ABTB2: variants seen among roughly 807,000 people sequenced by gnomAD.
The protein encoded by ABTB2 is ankyrin repeat and BTB/POZ domain-containing protein 2.
Under a neutral mutation model 104.1 loss-of-function variants are expected in ABTB2, and 56 were observed. The observed-to-expected ratio is 0.54, with a 90% CI of 0.43 to 0.67. The LOEUF (loss-of-function observed/expected upper bound fraction) is 0.67. Among genes scored for constraint, ABTB2 ranks in the 30% least tolerant of loss-of-function variants. The pLI is 0.00. For missense variants in ABTB2, 1,279 were observed against 1,407.7 expected, an observed-to-expected ratio of 0.91 and a Z score of 1.46; for synonymous variants, 606 against 608.2, an observed-to-expected ratio of 1.00 and a Z score of 0.05.
In ABTB2 at chr11:34,154,768, A is replaced by G; in HGVS notation, c.2699T>C (p.Met900Thr). ...TCCGTAGTACAGATACTGCATCATC[A>G]TCTGTGGTGGGAAGAGGCCCATGTG... ...ISDMKYHIFQ[M>T]MMQYLYYGGT... Residue 900 changes from methionine (M) to threonine (T), a missense_variant and splice_region_variant, in exon 15 of 17, where the codon ATG becomes ACG. Physicochemically the swap from Met to Thr is moderately conservative, Grantham distance 81 (BLOSUM62 -1). Transcript: ENST00000435224. The surrounding 1 kb of genome is among the most constrained non-coding windows in gnomAD (Gnocchi z 4.9). 6.2e-7 allele frequency: 1 copy of G among 1,613,924 alleles called. No homozygotes were observed.
intron 1 of ABTB2, among the ~76,000 whole-genome samples, chr11:34,263,975 A>G (rs1364052203): frequency 6.6e-6 from 1 of 152,182 alleles, no homozygotes; most frequent in Non-Finnish European, 1.5e-5. Context: ...TCTCCTTAAC[A>G]TGCTGACGTC....
intron 1 of ABTB2, among the ~76,000 whole-genome samples, chr11:34,282,961 T>A (rs1590240789): frequency 6.6e-6 from 1 of 151,814 alleles, no homozygotes; most frequent in African/African-American, 2.4e-5. Flanking sequence ...CAGGCTGGAG[T>A]GCAGTGGCAC....
chr11:34,187,986 T>C (rs1226243642), intron 3 of ABTB2, among the ~76,000 whole-genome samples: 4 of 152,188 alleles, frequency 2.6e-5, no homozygotes, highest in Non-Finnish European at 2.9e-5. Context: ...CGCAGGCTTA[T>C]GGTAACAGTG....
At chr11:34,221,852 A>C (rs569918415) in intron 1 of ABTB2, among the ~76,000 whole-genome samples, 1 of 152,262 alleles carries the variant, frequency 6.6e-6, no homozygotes, top group Non-Finnish European at 1.5e-5. Context: ...CAGCCTGGTC[A>C]ACATGGCAAA....
intron 9 of ABTB2, among the ~76,000 whole-genome samples, chr11:34,163,776 G>C (rs1852755641): frequency 6.6e-6 from 1 of 152,228 alleles, no homozygotes; most frequent in South Asian, 2.1e-4. Context: ...CCAGGCGCTG[G>C]CATGTGAAGG....
chr11:34,173,433 G>T (rs1454036936), intron 3 of ABTB2, 126 bp from the exon 4 acceptor site: 4 of 1,196,474 alleles, frequency 3.3e-6, no homozygotes, highest in Non-Finnish European at 2.3e-6. Flanking sequence ...AGGGTGGGGG[G>T]CTCCCTGCTG....
At chr11:34,180,944 A>G (rs1029582156) in intron 3 of ABTB2, among the ~76,000 whole-genome samples, 2 of 152,160 alleles carry the variant, frequency 1.3e-5, no homozygotes, top group South Asian at 4.1e-4. Context: ...TTGCTCTGTC[A>G]CCCAGGCCGG....
intron 1 of ABTB2, among the ~76,000 whole-genome samples, chr11:34,333,825 C>T (rs906321121): frequency 2.2e-4 from 34 of 151,876 alleles, no homozygotes; most frequent in Non-Finnish European, 4.4e-5. Flanking sequence ...AGTGAAGATC[C>T]CAAAATTGAA....
intron 1 of ABTB2, among the ~76,000 whole-genome samples, chr11:34,236,629 G>C (rs553468753): frequency 2.6e-4 from 40 of 152,324 alleles, no homozygotes; most frequent in African/African-American, 7.7e-4. Flanking sequence ...AGGCCTCAGG[G>C]CCCAAGGCCA....
At chr11:34,297,550 G>A (rs1854635927) in intron 1 of ABTB2, among the ~76,000 whole-genome samples, 1 of 152,182 alleles carries the variant, frequency 6.6e-6, no homozygotes, top group Non-Finnish European at 1.5e-5. Context: ...CCAGCACTTT[G>A]GGAGGCTGAG....
At chr11:34,254,410 G>A (rs1449312753) in intron 1 of ABTB2, among the ~76,000 whole-genome samples, 1 of 151,864 alleles carries the variant, frequency 6.6e-6, no homozygotes, top group African/African-American at 2.4e-5. Flanking sequence ...ACCACACCTG[G>A]CTAATTTTTG....
intron 1 of ABTB2, among the ~76,000 whole-genome samples, chr11:34,347,978 G>A (rs1019878016): frequency 1.3e-5 from 2 of 152,136 alleles, no homozygotes; most frequent in South Asian, 2.1e-4. Context: ...CAATGGCCTC[G>A]TTTAACACAT....
intron 1 of ABTB2, among the ~76,000 whole-genome samples, chr11:34,304,055 G>A (rs756254746): frequency 1.3e-5 from 2 of 152,120 alleles, no homozygotes; most frequent in African/African-American, 4.8e-5. Context: ...ATCGAGTGCC[G>A]CTCTGAGTAG....
At chr11:34,198,371 G>T (rs1853289839) in intron 2 of ABTB2, among the ~76,000 whole-genome samples, 1 of 152,034 alleles carries the variant, frequency 6.6e-6, no homozygotes, top group Non-Finnish European at 1.5e-5. Context: ...GTGGCAGTGA[G>T]CAGAGATCGT....
At chr11:34,188,285 T>C (rs1287925821) in intron 3 of ABTB2, among the ~76,000 whole-genome samples, 1 of 152,146 alleles carries the variant, frequency 6.6e-6, no homozygotes, top group African/African-American at 2.4e-5. Context: ...TTTAACTGCC[T>C]ACTACACATG....
chr11:34,318,874 C>T (rs1236419350), intron 1 of ABTB2, among the ~76,000 whole-genome samples: 1 of 152,166 alleles, frequency 6.6e-6, no homozygotes, highest in Non-Finnish European at 1.5e-5. Flanking sequence ...TTTGGAGAAA[C>T]AAGATGTTTT....
At chr11:34,313,308 G>A (rs1314062904) in intron 1 of ABTB2, among the ~76,000 whole-genome samples, 1 of 152,214 alleles carries the variant, frequency 6.6e-6, no homozygotes, top group Admixed American at 6.5e-5. Context: ...GACAGACGGA[G>A]TGTCCCATTG....
At position 34,159,962 on chromosome 11, in the gene ABTB2, C is replaced by T. The variant is rs1453088955; in HGVS notation, c.2550G>A (p.Leu850=). The T allele has an allele frequency of 1.9e-6, 3 of 1,613,968 alleles. No individual in the cohort carries two copies. Among genetic ancestry groups the T allele is most frequent in the East Asian group, 2.2e-5 (1 of 44,892 alleles). Residue 850 remains leucine, a synonymous_variant, in exon 13 of 17, where the codon CTG becomes CTA. Coordinates refer to ENST00000435224, the MANE Select transcript of ABTB2 (RefSeq NM_145804.3). ...GTGCATAAAACAGCTTTCCTTCCAC[C>T]AGGAAGGTCACATCTGACATCTCCT... ...NNKEMSDVTF[L]VEGKLFYAHK...
At chr11:34,194,337 G>A (rs887127095) in intron 3 of ABTB2, among the ~76,000 whole-genome samples, 4 of 152,174 alleles carry the variant, frequency 2.6e-5, no homozygotes, top group Admixed American at 6.5e-5. Flanking sequence ...CAGGGGCTCC[G>A]TCCAATTCTG....
Sources: gnomAD v4.1 joint callset for allele counts (sites outside exome capture counted in the v4.1 genomes callset) on GRCh38, gnomAD v4.1.1 for gene constraint, Gnocchi (gnomAD v3.1) non-coding constraint, MANE v1.5 for transcripts, NCBI Gene and HGNC (gene_info 2026-07-23, HGNC 2026-07-21) for gene names.